The following NCOA2 variants were observed in gnomAD, a reference collection of about 807,000 sequenced individuals.
NCOA2 encodes the protein class E basic helix-loop-helix protein 75.
NCOA2 carries 21 observed loss-of-function variants against 145.1 expected under a neutral mutation model. The ratio of observed to expected loss-of-function variants is 0.14; its 90% CI spans 0.10 to 0.21. The LOEUF (loss-of-function observed/expected upper bound fraction) is 0.21, where lower values mean the gene tolerates loss of function less well. Among genes scored for constraint, NCOA2 ranks in the 10% least tolerant of loss-of-function variants. The pLI is 1.00. For synonymous variants in NCOA2, 619 were observed against 637.5 expected, an observed-to-expected ratio of 0.97 and a Z score of 0.44; for missense variants, 1,472 against 1,837.6, an observed-to-expected ratio of 0.80 and a Z score of 3.64.
intron 2 of NCOA2, among the ~76,000 whole-genome samples, chr8:70,226,695 A>G (rs949101008): frequency 5.3e-5 from 8 of 150,052 alleles, no homozygotes; most frequent in African/African-American, 1.9e-4. Context: ...TATACTTAAA[A>G]CTTAGGGTAA....
In NCOA2 at chr8:70,144,797, T is replaced by C. The variant is rs1810837188; in HGVS notation, c.2657A>G (p.Asn886Ser). The C allele has an allele frequency of 6.2e-7, 1 of 1,613,962 alleles. No homozygotes were observed. Among genetic ancestry groups the C allele is most frequent in the East Asian group, 2.2e-5 (1 of 44,880 alleles). Residue 886 changes from asparagine (N) to serine (S), a missense_variant, in exon 13 of 23, where the codon AAT becomes AGT. Asn to Ser is a conservative substitution (Grantham distance 46, BLOSUM62 1). Coordinates refer to ENST00000452400, the MANE Select transcript of NCOA2 (RefSeq NM_006540.4). ...TTGCAATGTGATGTCAAGTGGTAAA[T>C]TCTGGTTTGGCAATAACCTGCCCAG... ...GQLGRLLPNQ[N>S]LPLDITLQSP...
intron 13 of NCOA2, among the ~76,000 whole-genome samples, chr8:70,142,150 T>C (rs527652822): frequency 5.7e-4 from 87 of 152,346 alleles, no homozygotes; most frequent in African/African-American, 1.9e-3. Context: ...ATGCTGATAA[T>C]GGCCAAACAT....
intron 4 of NCOA2, among the ~76,000 whole-genome samples, chr8:70,190,161 A>G (rs1379059846): frequency 1.3e-5 from 2 of 152,218 alleles, no homozygotes; most frequent in Non-Finnish European, 2.9e-5. Context: ...TTATCCTCTC[A>G]GGATAAATCC....
intron 3 of NCOA2, among the ~76,000 whole-genome samples, chr8:70,215,223 C>A (rs959664292): frequency 1.2e-4 from 18 of 152,072 alleles, no homozygotes; most frequent in African/African-American, 4.1e-4. Context: ...TGACCCCCTC[C>A]ACCACCCTCC....
At chr8:70,386,217 T>A (rs1163036221) in intron 1 of NCOA2, among the ~76,000 whole-genome samples, 1 of 152,226 alleles carries the variant, frequency 6.6e-6, no homozygotes, top group Non-Finnish European at 1.5e-5. Context: ...TCTAGATGCA[T>A]CCATACTTTT....
chr8:70,396,479 T>A (rs1813683668), intron 1 of NCOA2, among the ~76,000 whole-genome samples: 1 of 152,224 alleles, frequency 6.6e-6, no homozygotes. Flanking sequence ...GTTCTACCTC[T>A]CAATGCTACA....
chr8:70,132,012 C>G lies in NCOA2; in HGVS notation c.3159-10G>C, dbSNP rs200339797. ...ACTGCCAAATGGCTGCCTGTAAAGA[C>G]AGAAATGTCACCTTGGGCCAATGGA... On this transcript the variant is annotated splice_polypyrimidine_tract_variant and intron_variant, in intron 15 of 22. Coordinates refer to ENST00000452400, the MANE Select transcript of NCOA2 (RefSeq NM_006540.4). 1.2e-6 allele frequency: 2 copies of G among 1,609,492 alleles called. No individual in the cohort carries two copies. Among genetic ancestry groups the G allele is most frequent in the Non-Finnish European group, 8.5e-7 (1 of 1,178,068 alleles).
At chr8:70,399,709 T>C (rs1563848000) in intron 1 of NCOA2, among the ~76,000 whole-genome samples, 1 of 152,226 alleles carries the variant, frequency 6.6e-6, no homozygotes, top group Non-Finnish European at 1.5e-5. Flanking sequence ...CATGACACAA[T>C]AATGGCCAAA....
At chr8:70,316,626 CAA>C (rs1805601437) in intron 1 of NCOA2, among the ~76,000 whole-genome samples, 2 of 152,270 alleles carry the variant, frequency 1.3e-5, no homozygotes, top group African/African-American at 4.8e-5. Flanking sequence ...GCCACATAAC[CAA>C]ACGGAAACTT....
intron 1 of NCOA2, among the ~76,000 whole-genome samples, chr8:70,352,324 A>G (rs1483620499): frequency 6.6e-6 from 1 of 152,298 alleles, no homozygotes; most frequent in East Asian, 1.9e-4. Flanking sequence ...AGAAGTTTAT[A>G]TGGGTCAAGA....
chr8:70,237,414 T>C (rs1343838115), intron 2 of NCOA2, among the ~76,000 whole-genome samples: 3 of 126,076 alleles, frequency 2.4e-5, no homozygotes, highest in African/African-American at 6.3e-5. Context: ...AATAATTCCA[T>C]CCAGTATTTT....
At chr8:70,447,593 T>C in the NCOA2 span, among the ~76,000 whole-genome samples, 1 of 152,032 alleles carries the variant, frequency 6.6e-6, no homozygotes, top group African/African-American at 2.4e-5. Context: ...TTTTTTTTTC[T>C]CCTAATCCCT....
At chr8:70,149,259 G>C (rs1286821937) in intron 11 of NCOA2, among the ~76,000 whole-genome samples, 1 of 150,308 alleles carries the variant, frequency 6.7e-6, no homozygotes, top group African/African-American at 2.5e-5. Context: ...TTCTGAGAAA[G>C]GGTCTTGCTC....
At chr8:70,123,806 G>A in intron 21 of NCOA2, 78 bp downstream of exon 21, 3 of 1,256,180 alleles carry the variant, frequency 2.4e-6, no homozygotes, top group Non-Finnish European at 3.2e-6. Context: ...TCAGATACAT[G>A]GAAAGATATA....
chr8:70,339,738 C>T (rs1239652837), intron 1 of NCOA2, among the ~76,000 whole-genome samples: 1 of 152,092 alleles, frequency 6.6e-6, no homozygotes, highest in African/African-American at 2.4e-5. Flanking sequence ...TAAAAACAGA[C>T]ACACAGACCA....
chr8:70,313,864 A>C (rs1227783502), intron 1 of NCOA2, among the ~76,000 whole-genome samples: 1 of 152,180 alleles, frequency 6.6e-6, no homozygotes, highest in African/African-American at 2.4e-5. Context: ...CCATAAACAG[A>C]AAGTAAACTT....
chr8:70,314,250 A>C (rs1204397310), intron 1 of NCOA2, among the ~76,000 whole-genome samples: 1 of 149,448 alleles, frequency 6.7e-6, no homozygotes, highest in Non-Finnish European at 1.5e-5. Flanking sequence ...GTCATATTTT[A>C]AAATAAAGTA....
At chr8:70,287,114 T>C (rs1826290084) in intron 2 of NCOA2, among the ~76,000 whole-genome samples, 1 of 152,044 alleles carries the variant, frequency 6.6e-6, no homozygotes, top group Admixed American at 6.6e-5. Flanking sequence ...TGTGGTGGTA[T>C]ACACCTGTAA....
chr8:70,135,933 G>A (rs1012395280), intron 15 of NCOA2, among the ~76,000 whole-genome samples: 3 of 152,214 alleles, frequency 2.0e-5, no homozygotes, highest in Non-Finnish European at 2.9e-5. Context: ...GCACTTGATT[G>A]AGAAACCATA....
Sources: gnomAD v4.1 joint callset for allele counts (sites outside exome capture counted in the v4.1 genomes callset) on GRCh38, gnomAD v4.1.1 for gene constraint, MANE v1.5 for transcripts, NCBI Gene and HGNC (gene_info 2026-07-23, HGNC 2026-07-21) for gene names.